BMAL1: variants seen among roughly 807,000 people sequenced by gnomAD.
BMAL1 encodes basic helix-loop-helix ARNT like 1.
At chr11:13,296,531 A>G in the BMAL1 span, among the ~76,000 whole-genome samples, 5 of 152,034 alleles carry the variant, frequency 3.3e-5, no homozygotes, top group Non-Finnish European at 7.4e-5. Context: ...GCTTATTACT[A>G]TCTCATTTTG....
chr11:13,347,121 G>T, the BMAL1 span, among the ~76,000 whole-genome samples: 8 of 152,318 alleles, frequency 5.3e-5, no homozygotes, highest in East Asian at 9.6e-4. Context: ...GGCTGGGCGT[G>T]GTGGCTCATG....
At chr11:13,322,154 G>C in the BMAL1 span, among the ~76,000 whole-genome samples, 8 of 152,194 alleles carry the variant, frequency 5.3e-5, no homozygotes, top group Non-Finnish European at 1.2e-4. Context: ...GTCTACGAAG[G>C]AGGGCTAAGA....
At chr11:13,280,182 T>G in the BMAL1 span, among the ~76,000 whole-genome samples, 1 of 152,266 alleles carries the variant, frequency 6.6e-6, no homozygotes, top group Non-Finnish European at 1.5e-5. Flanking sequence ...ATAAGAAAGT[T>G]AAGCAGATCA....
chr11:13,362,784 G>A, the BMAL1 span, among the ~76,000 whole-genome samples: 1 of 152,036 alleles, frequency 6.6e-6, no homozygotes, highest in Admixed American at 6.6e-5. Context: ...CAGCTTCATG[G>A]GCATGTGACC....
At chr11:13,386,812 T>C in the BMAL1 span, 2 of 1,580,984 alleles carry the variant, frequency 1.3e-6, no homozygotes, top group African/African-American at 2.7e-5. Flanking sequence ...ACTGGTGGAG[T>C]TTTACAGTCT....
chr11:13,372,352 C>T, the BMAL1 span: 1 of 1,614,132 alleles, frequency 6.2e-7, no homozygotes, highest in Non-Finnish European at 8.5e-7. Context: ...AGGGTGAAAT[C>T]TATGGAATAT....
At chr11:13,365,043 C>T in the BMAL1 span, among the ~76,000 whole-genome samples, 11 of 152,050 alleles carry the variant, frequency 7.2e-5, no homozygotes, top group African/African-American at 1.9e-4. Flanking sequence ...GCTCCCTGTA[C>T]GTGGAGGTTT....
chr11:13,374,208 T>C, the BMAL1 span: 2 of 1,610,152 alleles, frequency 1.2e-6, no homozygotes, highest in Non-Finnish European at 1.7e-6. Context: ...CAAGGTAAGC[T>C]AGGATGTATG....
the BMAL1 span, among the ~76,000 whole-genome samples, chr11:13,371,018 GTTTGC>G: frequency 6.6e-6 from 1 of 152,070 alleles, no homozygotes; most frequent in Non-Finnish European, 1.5e-5. Flanking sequence ...CACCCTACTG[GTTTGC>G]TTTCTAGTGC....
At chr11:13,359,267 A>G in the BMAL1 span, among the ~76,000 whole-genome samples, 8 of 152,212 alleles carry the variant, frequency 5.3e-5, no homozygotes, top group Non-Finnish European at 7.3e-5. Context: ...GGAATTTTCC[A>G]TAGCTAGTCT....
chr11:13,306,089 C>T, the BMAL1 span, among the ~76,000 whole-genome samples: 1 of 152,098 alleles, frequency 6.6e-6, no homozygotes, highest in Non-Finnish European at 1.5e-5. Context: ...TTTCATTGTT[C>T]TTAGCAGGTG....
At chr11:13,353,934 G>A in the BMAL1 span, among the ~76,000 whole-genome samples, 2 of 152,274 alleles carry the variant, frequency 1.3e-5, no homozygotes, top group African/African-American at 2.4e-5. Flanking sequence ...GGTCCCCTCC[G>A]TGGGAACTGC....
At chr11:13,284,120 GTGTGTGTGTATATATATATATATGTGTA>G in the BMAL1 span, among the ~76,000 whole-genome samples, 5 of 72,888 alleles carry the variant, frequency 6.9e-5, 1 homozygote, top group South Asian at 5.0e-4. Flanking sequence ...GTATATATAT[GTGTGTGTGTATATATATATATATGTGTA>G]TATATATATA....
chr11:13,292,127 T>C, the BMAL1 span, among the ~76,000 whole-genome samples: 1 of 152,222 alleles, frequency 6.6e-6, no homozygotes, highest in Non-Finnish European at 1.5e-5. Flanking sequence ...TTTGCTTTTC[T>C]GGGTCTTCTC....
At chr11:13,329,089 G>A in the BMAL1 span, among the ~76,000 whole-genome samples, 2 of 152,112 alleles carry the variant, frequency 1.3e-5, no homozygotes, top group Non-Finnish European at 2.9e-5. Context: ...GACAGAGAGG[G>A]TCTCCGCTCT....
At chr11:13,332,041 G>A in the BMAL1 span, among the ~76,000 whole-genome samples, 435 of 152,270 alleles carry the variant, frequency 2.9e-3, no homozygotes, top group African/African-American at 1.0e-2. Context: ...TGAGGAAGAC[G>A]TACTAGGATT....
At chr11:13,354,478 G>A in the BMAL1 span, 10 of 1,605,460 alleles carry the variant, frequency 6.2e-6, no homozygotes, top group Non-Finnish European at 8.5e-6. Flanking sequence ...TCTTCCTCTT[G>A]TTAAACTTGG....
the BMAL1 span, among the ~76,000 whole-genome samples, chr11:13,285,238 AATT>A: frequency 6.6e-6 from 1 of 151,966 alleles, no homozygotes; most frequent in African/African-American, 2.4e-5. Context: ...CTCATTTTTT[AATT>A]GTTTCATGGT....
chr11:13,303,781 C>T, the BMAL1 span, among the ~76,000 whole-genome samples: 19 of 152,164 alleles, frequency 1.2e-4, 2 homozygotes, highest in Admixed American at 1.1e-3. Flanking sequence ...CTCCCACCCA[C>T]TGGCCAGAAT....
Sources: gnomAD v4.1 joint callset for allele counts (sites outside exome capture counted in the v4.1 genomes callset) on GRCh38, gnomAD v4.1.1 for gene constraint, MANE v1.5 for transcripts, NCBI Gene and HGNC (gene_info 2026-07-23, HGNC 2026-07-21) for gene names.